Variants in OSBPL3 observed in about 807,000 individuals in gnomAD.
The protein encoded by OSBPL3 is oxysterol binding protein like 3, also known as oxysterol-binding protein-related protein 3.
In OSBPL3, 65 loss-of-function variants were observed where a neutral mutation model predicts 120.1. The observed-to-expected ratio is 0.54, with a 90% CI of 0.44 to 0.67. The LOEUF is 0.67. Among genes scored for constraint, OSBPL3 ranks in the 30% least tolerant of loss-of-function variants. The pLI is 0.00. For missense variants in OSBPL3, 1,004 were observed against 1,082.1 expected (o/e 0.93, Z 1.01); for synonymous variants, 416 against 402.6 (o/e 1.03, Z -0.40).
rs1414007155 is a variant in OSBPL3, at chr7:24,873,858, C to T, written c.97-1789G>A. 6.6e-6 allele frequency among the ~76,000 whole-genome samples: 1 copy of T among 152,180 alleles called. No homozygotes were observed. The highest frequency in any genetic ancestry group is 2.4e-5 in the African/African-American group (1 of 41,452). ...TAAGGTTGTCAAGTTAAAAATTCCA[C>T]CTCAAATTTCACCTCCTCCAGTGGA... On this transcript the variant is annotated intron_variant, in intron 2 of 22. Transcript: ENST00000313367. The surrounding 1 kb of genome is among the most constrained non-coding windows in gnomAD (Gnocchi z 4.1).
intron 1 of OSBPL3, among the ~76,000 whole-genome samples, chr7:24,969,464 A>G (rs1326132330): frequency 6.6e-6 from 1 of 152,212 alleles, no homozygotes; most frequent in Non-Finnish European, 1.5e-5. Flanking sequence ...CCCCGCAAAA[A>G]TGATATGTAA....
At chr7:24,908,112 C>G (rs141108937) in intron 1 of OSBPL3, among the ~76,000 whole-genome samples, 1 of 152,250 alleles carries the variant, frequency 6.6e-6, no homozygotes, top group East Asian at 1.9e-4. Context: ...TTTTCTCTGA[C>G]TTGTTTCAAA....
chr7:24,880,868 C>T (rs1803585360), intron 2 of OSBPL3, among the ~76,000 whole-genome samples: 1 of 152,098 alleles, frequency 6.6e-6, no homozygotes, highest in African/African-American at 2.4e-5. Flanking sequence ...TTTTATATCA[C>T]CCAGGACTGT....
rs760564321 is a variant in OSBPL3, at chr7:24,809,916, T to G, written c.2208A>C (p.Glu736Asp). ...KYWSTNAHEI[E>D]GTVFDRSGKA... ...TTCCACTCCTGTCAAACACTGTGCC[T>G]TCAATCTCATGGGCATTAGTGCTCC... The change falls in exon 20 of 23, where the codon GAA becomes GAC. Residue 736 changes from glutamate (E) to aspartate (D), a missense_variant. Transcript: ENST00000313367. 9.5e-5 allele frequency: 153 copies of G among 1,614,048 alleles called. No individual in the cohort carries two copies. Among genetic ancestry groups the G allele is most frequent in the Non-Finnish European group, 1.3e-4 (148 of 1,179,994 alleles).
Position 24,949,700 on chromosome 7 carries a change from G to A in OSBPL3, c.-150+30186C>T, listed in dbSNP as rs543647714. Among the ~76,000 whole-genome samples, 3 of 152,234 alleles carry A rather than the reference G, an allele frequency of 2.0e-5. No homozygotes were observed. In the East Asian group the frequency reaches 5.8e-4, roughly 29 times the overall value. On this transcript the variant is annotated intron_variant, in intron 1 of 22. Transcript: ENST00000313367. ...TGGGTGGCATCAACTCAGCCTGAAG[G>A]CAAGAGTGACCCAGAAAGGCGGAAG...
chr7:24,980,416 G>A (rs1260034729), upstream of OSBPL3, among the ~76,000 whole-genome samples: 1 of 152,162 alleles, frequency 6.6e-6, no homozygotes, highest in Non-Finnish European at 1.5e-5. Flanking sequence ...GATGGGTTGG[G>A]AGGGCGGAGG....
At chr7:24,954,415 T>C (rs919124617) in intron 1 of OSBPL3, among the ~76,000 whole-genome samples, 2 of 152,042 alleles carry the variant, frequency 1.3e-5, no homozygotes, top group Non-Finnish European at 2.9e-5. Flanking sequence ...GCTACTCTTA[T>C]GCCAAGAATC....
At chr7:24,962,919 C>T (rs1815952663) in intron 1 of OSBPL3, among the ~76,000 whole-genome samples, 2 of 152,212 alleles carry the variant, frequency 1.3e-5, no homozygotes, top group Admixed American at 6.5e-5. Flanking sequence ...AATAATTCTT[C>T]AGCCAGAGTG....
At chr7:24,980,180 G>A (rs1372401948), upstream of OSBPL3, 1 of 396,574 alleles carries the variant, frequency 2.5e-6, no homozygotes, top group Non-Finnish European at 3.4e-6. Flanking sequence ...GAACTTCTCG[G>A]CGCGCGCCGC....
Position 24,872,008 on chromosome 7 carries a change from ACTGGTGG to A in OSBPL3, c.151_157del (p.Pro51PhefsTer7). On this transcript the variant is annotated frameshift_variant, in exon 3 of 23. Coordinates refer to ENST00000313367, the MANE Select transcript of OSBPL3 (RefSeq NM_015550.4). LOFTEE classifies it high-confidence loss of function. The surrounding 1 kb of genome is among the most constrained non-coding windows in gnomAD (Gnocchi z 4.1). Reference sequence around the variant, plus strand: ...CTTTTTCAGCAAAAATCCTTTCTGAACTGGTGGCTCCTGGGTGTAATTCATCTCCCCC... The same window carrying A: ...CTTTTTCAGCAAAAATCCTTTCTGAACTCCTGGGTGTAATTCATCTCCCCC... 7 of 1,613,936 alleles carry A rather than the reference ACTGGTGG, an allele frequency of 4.3e-6. No homozygotes were observed. Among genetic ancestry groups the A allele is most frequent in the Non-Finnish European group, 5.9e-6 (7 of 1,179,938 alleles).
chr7:24,846,521 T>C (rs1184196293), intron 12 of OSBPL3, among the ~76,000 whole-genome samples: 1 of 152,238 alleles, frequency 6.6e-6, no homozygotes, highest in Non-Finnish European at 1.5e-5. Context: ...AGTTTTGGCC[T>C]TTTTTAGTCT....
At chr7:24,897,182 C>T (rs962611911) in intron 1 of OSBPL3, among the ~76,000 whole-genome samples, 1 of 152,070 alleles carries the variant, frequency 6.6e-6, no homozygotes, top group African/African-American at 2.4e-5. Context: ...CAGTGTCTGG[C>T]TTTGGAATAG....
In OSBPL3 at chr7:24,898,445, T is replaced by TC. The variant is rs1443213943; in HGVS notation, c.-149-5825_-149-5824insG. 6.6e-6 allele frequency among the ~76,000 whole-genome samples: 1 copy of TC among 152,236 alleles called. No individual in the cohort carries two copies. Among genetic ancestry groups the TC allele is most frequent in the Non-Finnish European group, 1.5e-5 (1 of 68,052 alleles). ...CTAACAATTCCTCCACAAACCATTT[T>TC]TTTTTTAAATCTTATTCTCACTTTT... On this transcript the variant is annotated intron_variant, in intron 1 of 22. Transcript: ENST00000313367. The surrounding 1 kb of genome is among the most constrained non-coding windows in gnomAD (Gnocchi z 4.3).
Position 24,841,717 on chromosome 7 carries a change from A to AAAAAAAAAAAAAAAAAAG in OSBPL3, c.1401+561_1401+562insCTTTTTTTTTTTTTTTTT, listed in dbSNP as rs70942886. On this transcript the variant is annotated intron_variant, in intron 13 of 22. Coordinates refer to ENST00000313367, the MANE Select transcript of OSBPL3 (RefSeq NM_015550.4). ...CTCAAAAAAAAAAAAAAAAAAAAAA[A>AAAAAAAAAAAAAAAAAAG]AAAAGAGGCCAGGCACAGTGGCTCA... 3.5e-3 allele frequency among the ~76,000 whole-genome samples: 288 copies of AAAAAAAAAAAAAAAAAAG among 82,790 alleles called. 59 individuals carry two copies. Among genetic ancestry groups the AAAAAAAAAAAAAAAAAAG allele is most frequent in the African/African-American group, 5.0e-3 (103 of 20,776 alleles). 54.3% of individuals were successfully genotyped at this position (82,790 alleles called of 152,430 possible).
chr7:24,979,241 G>GT (rs1256318892), intron 1 of OSBPL3, among the ~76,000 whole-genome samples: 1 of 151,774 alleles, frequency 6.6e-6, no homozygotes, highest in African/African-American at 2.4e-5. Context: ...TGAGACGAGA[G>GT]TTAGGGTGAG....
chr7:24,910,241 G>T (rs929749940), intron 1 of OSBPL3, among the ~76,000 whole-genome samples: 1 of 152,110 alleles, frequency 6.6e-6, no homozygotes, highest in Non-Finnish European at 1.5e-5. Context: ...CCCCTTTCAT[G>T]TTGCATTTAT....
intron 12 of OSBPL3, among the ~76,000 whole-genome samples, chr7:24,845,160 G>A (rs1047311874): frequency 6.6e-6 from 1 of 151,886 alleles, no homozygotes; most frequent in Admixed American, 6.6e-5. Flanking sequence ...AACAAGTAAG[G>A]AAACCTCTGT....
rs1432866955 is a variant in OSBPL3, at chr7:24,854,035, A to T, written c.1028-1401T>A. ...AGCCACTATGGCCTCCAATGCCTGA[A>T]CTGAAGTTTTAAAAAACATTAACAC... On this transcript the variant is annotated intron_variant, in intron 10 of 22. Transcript: ENST00000313367. This position sits in a 1 kb window ranked among gnomAD's most constrained non-coding sequence, Gnocchi z 4.1. Among the ~76,000 whole-genome samples the T allele has an allele frequency of 6.6e-6, 1 of 152,160 alleles. No individual in the cohort carries two copies. Among genetic ancestry groups the T allele is most frequent in the Non-Finnish European group, 1.5e-5 (1 of 68,026 alleles).
chr7:24,840,327 C>T (rs542291310), intron 14 of OSBPL3, among the ~76,000 whole-genome samples: 253 of 152,288 alleles, frequency 1.7e-3, no homozygotes, highest in Non-Finnish European at 3.1e-3. Flanking sequence ...AGACCAACCC[C>T]TTCTCTTCTT....
Sources: gnomAD v4.1 joint callset for allele counts (sites outside exome capture counted in the v4.1 genomes callset) on GRCh38, gnomAD v4.1.1 for gene constraint, Gnocchi (gnomAD v3.1) non-coding constraint, MANE v1.5 for transcripts, NCBI Gene and HGNC (gene_info 2026-07-23, HGNC 2026-07-21) for gene names.